PRKAR1B: variants seen among roughly 807,000 people sequenced by gnomAD.
PRKAR1B encodes the protein cAMP-dependent protein kinase type I-beta regulatory subunit.
PRKAR1B carries 22 observed loss-of-function variants against 46.5 expected under a neutral mutation model. That is an observed-to-expected ratio of 0.47 (90% confidence interval 0.34 to 0.68). The LOEUF is 0.68. Ranked by LOEUF, PRKAR1B falls within the 30% of genes least tolerant of loss-of-function variation. The pLI, the probability that PRKAR1B is intolerant of heterozygous loss-of-function variation, is 0.01. For synonymous variants in PRKAR1B, 259 were observed against 217.7 expected (o/e 1.19, Z -1.67); for missense variants, 445 against 535.6 (o/e 0.83, Z 1.67).
chr7:722,898 T>C lies in PRKAR1B; in HGVS notation c.-23+4312A>G, dbSNP rs75023010. On this transcript the variant is annotated intron_variant, in intron 1 of 10. Coordinates refer to ENST00000537384, the MANE Select transcript of PRKAR1B (RefSeq NM_001164760.2). ...GCTCTGTTCAGGTCCAGGGTGTAGA[T>C]TGCAGCCTGTTTTTGTGGTCTGTCA... is the stretch of plus-strand genomic sequence containing the variant. Among the ~76,000 whole-genome samples the C allele has an allele frequency of 3.1e-3, 478 of 152,084 alleles. 6 individuals are homozygous for C. The highest frequency in any genetic ancestry group is 0.011 in the African/African-American group (458 of 41,464).
chr7:679,162 C>T (rs972241837), intron 3 of PRKAR1B, among the ~76,000 whole-genome samples: 2 of 152,242 alleles, frequency 1.3e-5, no homozygotes, highest in African/African-American at 4.8e-5. Flanking sequence ...CATTCTCGTG[C>T]ACCTTGCAGT....
chr7:551,666 C>T (rs930023246), intron 9 of PRKAR1B, among the ~76,000 whole-genome samples, 196 bp from the exon 10 acceptor site: 1 of 148,960 alleles, frequency 6.7e-6, no homozygotes, highest in Non-Finnish European at 1.5e-5. Context: ...GGAGCCACTG[C>T]CACCACCACA....
chr7:621,961 A>G (rs1783129512), intron 4 of PRKAR1B, among the ~76,000 whole-genome samples: 1 of 152,208 alleles, frequency 6.6e-6, no homozygotes, highest in Admixed American at 6.5e-5. Flanking sequence ...AGGGTCACAC[A>G]TGTCCCAGAA....
intron 9 of PRKAR1B, among the ~76,000 whole-genome samples, chr7:573,287 C>T (rs1348011568): frequency 1.3e-5 from 2 of 152,214 alleles, no homozygotes; most frequent in Non-Finnish European, 1.5e-5. Flanking sequence ...TCCCGGAGGA[C>T]GTGCAAGGCG....
At chr7:682,337 G>A (rs1321260897) in intron 2 of PRKAR1B, among the ~76,000 whole-genome samples, 1 of 152,150 alleles carries the variant, frequency 6.6e-6, no homozygotes, top group Admixed American at 6.5e-5. Flanking sequence ...GGCTGGGTGT[G>A]GTGGCTTCTG....
At chr7:550,639 G>C in intron 10 of PRKAR1B, 37 bp from the exon 11 acceptor site, 1 of 1,492,238 alleles carries the variant, frequency 6.7e-7, no homozygotes, top group East Asian at 2.3e-5. Context: ...CTGGGCCTGG[G>C]GGTCCTGAGG....
At chr7:632,162 ATCTC>A (rs1415321316) in intron 4 of PRKAR1B, among the ~76,000 whole-genome samples, 1 of 152,144 alleles carries the variant, frequency 6.6e-6, no homozygotes, top group Non-Finnish European at 1.5e-5. Flanking sequence ...AAGGTCTGTT[ATCTC>A]TCTCTGCCTT....
chr7:569,494 C>T (rs572990930), intron 9 of PRKAR1B, among the ~76,000 whole-genome samples: 129 of 152,350 alleles, frequency 8.5e-4, no homozygotes, highest in African/African-American at 2.8e-3. Flanking sequence ...GTGACGTGCC[C>T]GGGACACAGC....
At chr7:668,085 C>T (rs1250579908) in intron 4 of PRKAR1B, among the ~76,000 whole-genome samples, 1 of 152,184 alleles carries the variant, frequency 6.6e-6, no homozygotes, top group Non-Finnish European at 1.5e-5. Context: ...TGAACCTGAA[C>T]TTGTACGGAG....
At chr7:607,354 C>G in intron 5 of PRKAR1B, 37 bp downstream of exon 5, 1 of 1,588,450 alleles carries the variant, frequency 6.3e-7, no homozygotes, top group Non-Finnish European at 8.6e-7. Flanking sequence ...CATTTTTCCC[C>G]TCTGGACTTT....
chr7:727,360 A>AC, upstream of PRKAR1B: 3 of 837,558 alleles, frequency 3.6e-6, no homozygotes, highest in South Asian at 1.6e-4. Flanking sequence ...CCACACTCTC[A>AC]CCCCCACCTC....
At chr7:613,555 C>A (rs748420192) in intron 4 of PRKAR1B, among the ~76,000 whole-genome samples, 1 of 152,148 alleles carries the variant, frequency 6.6e-6, no homozygotes, top group Non-Finnish European at 1.5e-5. Flanking sequence ...AAGGAGATGG[C>A]GCGCCAAGCT....
At chr7:598,062 C>T (rs1216601195) in intron 6 of PRKAR1B, among the ~76,000 whole-genome samples, 7 of 152,188 alleles carry the variant, frequency 4.6e-5, no homozygotes, top group Non-Finnish European at 8.8e-5. Flanking sequence ...GTCGTGCTGC[C>T]AGGAGCATCC....
At chr7:564,925 A>G (rs1583210776) in intron 9 of PRKAR1B, among the ~76,000 whole-genome samples, 1 of 152,260 alleles carries the variant, frequency 6.6e-6, no homozygotes, top group East Asian at 1.9e-4. Context: ...AGATTTATTG[A>G]GCTGCCCATT....
chr7:676,969 C>T (rs112236172), intron 4 of PRKAR1B, among the ~76,000 whole-genome samples: 54 of 100,300 alleles, frequency 5.4e-4, no homozygotes, highest in South Asian at 2.7e-3. Flanking sequence ...GTGGTGGTGA[C>T]TCCCGGGCAA....
intron 9 of PRKAR1B, among the ~76,000 whole-genome samples, chr7:562,588 G>C (rs572022407): frequency 6.6e-6 from 1 of 152,226 alleles, no homozygotes; most frequent in Admixed American, 6.5e-5. Context: ...GGTGGGCCAA[G>C]CCCCGGCCTC....
At chr7:632,042 G>T (rs1783778951) in intron 4 of PRKAR1B, among the ~76,000 whole-genome samples, 1 of 152,042 alleles carries the variant, frequency 6.6e-6, no homozygotes, top group Admixed American at 6.6e-5. Context: ...AAAGGCAACT[G>T]GCACAGCTGT....
chr7:699,146 G>C (rs981274978), intron 2 of PRKAR1B, among the ~76,000 whole-genome samples: 19 of 152,360 alleles, frequency 1.2e-4, no homozygotes, highest in African/African-American at 4.3e-4. Context: ...AGGTGGGAAG[G>C]GTGTGGCCTC....
At chr7:639,877 A>G (rs1583341381) in intron 4 of PRKAR1B, among the ~76,000 whole-genome samples, 1 of 150,788 alleles carries the variant, frequency 6.6e-6, no homozygotes, top group East Asian at 2.0e-4. Flanking sequence ...AAAAGAAAGA[A>G]AAACTGGCCG....
Sources: gnomAD v4.1 joint callset for allele counts (sites outside exome capture counted in the v4.1 genomes callset) on GRCh38, gnomAD v4.1.1 for gene constraint, MANE v1.5 for transcripts, NCBI Gene and HGNC (gene_info 2026-07-23, HGNC 2026-07-21) for gene names.